The following SLC30A4 variants were observed in gnomAD, a reference collection of about 807,000 sequenced individuals.
The protein encoded by SLC30A4 is probable proton-coupled zinc antiporter SLC30A4.
A neutral mutation model predicts 41.7 loss-of-function variants in SLC30A4; 20 were observed. The observed-to-expected ratio is 0.48, with a 90% CI of 0.34 to 0.70. The LOEUF (loss-of-function observed/expected upper bound fraction) is 0.70, where lower values mean the gene tolerates loss of function less well. Among genes scored for constraint, SLC30A4 ranks in the 30% least tolerant of loss-of-function variants. The pLI is 0.01. For missense variants in SLC30A4, 441 were observed against 529.3 expected (o/e 0.83, Z 1.64); for synonymous variants, 181 against 195.9 (o/e 0.92, Z 0.64).
chr15:45,490,950 T>C (rs1891799192), intron 3 of SLC30A4, 69 bp from the exon 4 acceptor site: 2 of 990,654 alleles, frequency 2.0e-6, no homozygotes, highest in African/African-American at 3.3e-5. Flanking sequence ...CAACTAAATA[T>C]TATATAGTCT....
chr15:45,481,733 T>C lies in SLC30A4; in HGVS notation c.*3430A>G, dbSNP rs1421823231. 1 of 152,174 alleles carries C rather than the reference T, an allele frequency of 6.6e-6. No homozygotes were observed. The highest frequency in any genetic ancestry group is 1.5e-5 in the Non-Finnish European group (1 of 68,024). 9.4% of individuals were successfully genotyped at this position (152,174 alleles called of 1,614,324 possible). ...CCAAACGCTTTTTGTCAGAAGTCAT[T>C]CAGTCCTTGGTCCTATCTGCTAAGT... On this transcript the variant is annotated 3_prime_UTR_variant, in exon 8 of 8. Transcript: ENST00000261867.
At chr15:45,494,888 G>C (rs1197454307) in intron 3 of SLC30A4, among the ~76,000 whole-genome samples, 1 of 152,010 alleles carries the variant, frequency 6.6e-6, no homozygotes, top group Non-Finnish European at 1.5e-5. Context: ...AAAGCACGTG[G>C]TGGCTCACAC....
Position 45,493,603 on chromosome 15 carries a change from G to A in SLC30A4, c.539-2722C>T, listed in dbSNP as rs867231915. On this transcript the variant is annotated intron_variant, in intron 3 of 7. Coordinates refer to ENST00000261867, the MANE Select transcript of SLC30A4 (RefSeq NM_013309.6). ...AGCACTTTGGGAGGCCGAGGCGGGC[G>A]GATCACAAGGTCAGGAGTTCGAGAC... Among the ~76,000 whole-genome samples the A allele has an allele frequency of 7.9e-5, 12 of 152,116 alleles. No homozygotes were observed. The South Asian group carries it at 8.3e-4, about 11-fold the overall frequency.
At chr15:45,499,866 C>A (rs1271079007) in intron 3 of SLC30A4, among the ~76,000 whole-genome samples, 2 of 151,944 alleles carry the variant, frequency 1.3e-5, no homozygotes, top group East Asian at 1.9e-4. Flanking sequence ...AAAATAAAAA[C>A]CTGAATGATT....
At chr15:45,505,798 C>A (rs1182075099) in intron 3 of SLC30A4, among the ~76,000 whole-genome samples, 1 of 152,080 alleles carries the variant, frequency 6.6e-6, no homozygotes, top group African/African-American at 2.4e-5. Context: ...AGGCTAGAAA[C>A]CAATTAAAAG....
intron 3 of SLC30A4, among the ~76,000 whole-genome samples, chr15:45,494,413 G>T (rs894290827): frequency 6.6e-6 from 1 of 152,176 alleles, no homozygotes; most frequent in Non-Finnish European, 1.5e-5. Flanking sequence ...GGCTGGGTGC[G>T]GTAGCTCATA....
intron 7 of SLC30A4, among the ~76,000 whole-genome samples, chr15:45,486,052 T>C (rs1363984615): frequency 4.6e-5 from 7 of 151,318 alleles, no homozygotes; most frequent in African/African-American, 1.7e-4. Flanking sequence ...AGATGGAGTC[T>C]TGCTCTGTCA....
chr15:45,488,452 A>G (rs1891748689), intron 5 of SLC30A4, among the ~76,000 whole-genome samples: 1 of 152,138 alleles, frequency 6.6e-6, no homozygotes, highest in African/African-American at 2.4e-5. Flanking sequence ...GTGTACCTGT[A>G]ATCCCAGCTA....
At chr15:45,499,045 T>C (rs1891961372) in intron 3 of SLC30A4, among the ~76,000 whole-genome samples, 1 of 151,824 alleles carries the variant, frequency 6.6e-6, no homozygotes, top group African/African-American at 2.4e-5. Context: ...GAAAGACATC[T>C]ATCCTATACT....
At position 45,484,046 on chromosome 15, in the gene SLC30A4, T is replaced by C. The variant is rs1891653306; in HGVS notation, c.*1117A>G. The C allele has an allele frequency of 6.6e-6, 1 of 152,542 alleles. No individual in the cohort carries two copies. Among genetic ancestry groups the C allele is most frequent in the Non-Finnish European group, 1.5e-5 (1 of 68,030 alleles). 9.4% of individuals were successfully genotyped at this position (152,542 alleles called of 1,614,324 possible). On this transcript the variant is annotated 3_prime_UTR_variant, in exon 8 of 8. Transcript: ENST00000261867. ...GTCCATGGAGAATCCCTAACCCATA[T>C]CATAAAACATAAAATATATAATAAA...
rs549682996 is a variant in SLC30A4 at position 45,480,649 on chromosome 15, C to G, written c.*4514G>C. 106 of 152,260 alleles carry G rather than the reference C, an allele frequency of 7.0e-4. No homozygotes were observed. The highest frequency in any genetic ancestry group is 2.5e-3 in the African/African-American group (104 of 41,548). The allele number at this position is 152,260 out of a possible 1,614,324, so 9.4% of individuals were successfully genotyped here. On this transcript the variant is annotated 3_prime_UTR_variant, in exon 8 of 8. Coordinates refer to ENST00000261867, the MANE Select transcript of SLC30A4 (RefSeq NM_013309.6). ...TAAATTTGCTATATACAAATCAGAG[C>G]CAACAGCAAAATTGCCTAAAACCTT...
intron 2 of SLC30A4, among the ~76,000 whole-genome samples, chr15:45,516,643 C>T (rs575188993): frequency 7.9e-5 from 12 of 152,110 alleles, no homozygotes; most frequent in Non-Finnish European, 1.0e-4. Flanking sequence ...CCGAGGTGGG[C>T]GGATCACTTG....
At chr15:45,505,204 G>A (rs1274828487) in intron 3 of SLC30A4, among the ~76,000 whole-genome samples, 2 of 146,736 alleles carry the variant, frequency 1.4e-5, no homozygotes, top group African/African-American at 5.1e-5. Flanking sequence ...GCACTCCAGC[G>A]TGGGCAACAA....
At position 45,482,277 on chromosome 15, in the gene SLC30A4, G is replaced by C. The variant is rs1351836451; in HGVS notation, c.*2886C>G. On this transcript the variant is annotated 3_prime_UTR_variant, in exon 8 of 8. Transcript: ENST00000261867. ...TACCAAAAATACAAAAAATTAGCTGGGTGTGGTGGTGCATGCCTGTGGTAC... is the reference window on the plus strand; with the variant it reads ...TACCAAAAATACAAAAAATTAGCTGCGTGTGGTGGTGCATGCCTGTGGTAC... 2 of 151,908 alleles carry C rather than the reference G, an allele frequency of 1.3e-5. No homozygotes were observed. The highest frequency in any genetic ancestry group is 3.9e-4 in the East Asian group (2 of 5,174). 9.4% of individuals were successfully genotyped at this position (151,908 alleles called of 1,614,324 possible). A position where few individuals can be genotyped will look rare whatever the true frequency, so the allele number is the denominator to read the frequency against.
chr15:45,522,484 C>T lies in SLC30A4; in HGVS notation c.-114-16G>A. On this transcript the variant is annotated splice_polypyrimidine_tract_variant and intron_variant, in intron 1 of 7. Coordinates refer to ENST00000261867, the MANE Select transcript of SLC30A4 (RefSeq NM_013309.6). ...CCTCCCCATCCTGTGGAAAACGAAA[C>T]ACGTTATAAATTAAAGGCGCCCAAC... The T allele has an allele frequency of 1.0e-6, 1 of 958,608 alleles. No homozygotes were observed. The highest frequency in any genetic ancestry group is 1.5e-6 in the Non-Finnish European group (1 of 666,830). The allele number at this position is 958,608 out of a possible 1,614,324, so 59.4% of individuals were successfully genotyped here. A position where few individuals can be genotyped will look rare whatever the true frequency, so the allele number is the denominator to read the frequency against.
rs1891729180 is a variant in SLC30A4 at position 45,487,594 on chromosome 15, T to C, written c.933A>G (p.Val311=). The C allele has an allele frequency of 5.1e-6, 8 of 1,581,828 alleles. 1 individual carries two copies. The South Asian group carries it at 7.8e-5, about 15-fold the overall frequency. ...YKIADPICTY[V]FSLLVAFTTF... Reference sequence around the variant, plus strand: ...TTGTAAAAGCCACAAGTAATGAAAATACGTATGTACAGATGGGGTCAGCAA... The same window carrying C: ...TTGTAAAAGCCACAAGTAATGAAAACACGTATGTACAGATGGGGTCAGCAA... Residue 311 remains valine, a synonymous_variant, in exon 6 of 8, where the codon GTA becomes GTG. Transcript: ENST00000261867.
Position 45,511,292 on chromosome 15 carries a change from T to C in SLC30A4, c.392-8A>G, listed in dbSNP as rs762601962. On this transcript the variant is annotated splice_polypyrimidine_tract_variant and splice_region_variant and intron_variant, in intron 2 of 7. Transcript: ENST00000261867. The stretch of plus-strand genomic sequence containing the variant: ...TATTTGCAATGTATCCACCTTAGAG[T>C]TACAAGTAGGAGAAAAAAGGAACAA... 6.6e-7 allele frequency: 1 copy of C among 1,524,590 alleles called. No individual in the cohort carries two copies. The highest frequency in any genetic ancestry group is 8.8e-7 in the Non-Finnish European group (1 of 1,134,564). The allele number at this position is 1,524,590 out of a possible 1,614,324, so 94.4% of individuals were successfully genotyped here.
chr15:45,522,356 G>A lies in SLC30A4; in HGVS notation c.-2C>T. Reference sequence around the variant, plus strand: ...CTTCCACGCGCCAGAGCCGGCCATGGCAGAGGCTGAGCGGCCGCGGTGCGG... The same window carrying A: ...CTTCCACGCGCCAGAGCCGGCCATGACAGAGGCTGAGCGGCCGCGGTGCGG... On this transcript the variant is annotated 5_prime_UTR_variant, in exon 2 of 8. Coordinates refer to ENST00000261867, the MANE Select transcript of SLC30A4 (RefSeq NM_013309.6). 6.2e-7 allele frequency: 1 copy of A among 1,600,488 alleles called. No homozygotes were observed. Among genetic ancestry groups the A allele is most frequent in the Non-Finnish European group, 8.5e-7 (1 of 1,174,100 alleles).
intron 2 of SLC30A4, among the ~76,000 whole-genome samples, chr15:45,521,539 TAA>T (rs554242164): frequency 2.1e-5 from 3 of 144,794 alleles, no homozygotes; most frequent in Non-Finnish European, 1.5e-5. Context: ...TCCTTACATG[TAA>T]AAAAAAAAAG....
Sources: gnomAD v4.1 joint callset for allele counts (sites outside exome capture counted in the v4.1 genomes callset) on GRCh38, gnomAD v4.1.1 for gene constraint, MANE v1.5 for transcripts, NCBI Gene and HGNC (gene_info 2026-07-23, HGNC 2026-07-21) for gene names.